Variants in MRPL48 observed in about 807,000 individuals in gnomAD.
The protein encoded by MRPL48 is large ribosomal subunit protein mL48.
A neutral mutation model predicts 32.9 loss-of-function variants in MRPL48; 16 were observed. The observed-to-expected ratio is 0.49, with a 90% CI of 0.33 to 0.74. The LOEUF is 0.74. Among genes scored for constraint, MRPL48 ranks in the 30% least tolerant of loss-of-function variants. The pLI is 0.02. For synonymous variants in MRPL48, 94 were observed against 89.2 expected, an observed-to-expected ratio of 1.05 and a Z score of -0.31; for missense variants, 206 against 245.3, an observed-to-expected ratio of 0.84 and a Z score of 1.07.
rs565800509 is a variant in MRPL48 at position 73,845,055 on chromosome 11, A to G, written c.371+79A>G. 2.2e-6 allele frequency: 3 copies of G among 1,394,078 alleles called. No homozygotes were observed. In the South Asian group the frequency reaches 4.2e-5, roughly 19 times the overall value. The allele number at this position is 1,394,078 out of a possible 1,614,324, so 86.4% of individuals were successfully genotyped here. A position where few individuals can be genotyped will look rare whatever the true frequency, so the allele number is the denominator to read the frequency against. Reference sequence around the variant, plus strand: ...TTTTTTGTTAAACTAGGCTTTTGAGATACAGTTTACATGTAGTAAAATTAA... The same window carrying G: ...TTTTTTGTTAAACTAGGCTTTTGAGGTACAGTTTACATGTAGTAAAATTAA... On this transcript the variant is annotated intron_variant, in intron 5 of 7. Transcript: ENST00000310614.
intron 3 of MRPL48, among the ~76,000 whole-genome samples, chr11:73,823,659 T>G (rs1360964968): frequency 6.7e-6 from 1 of 149,242 alleles, no homozygotes; most frequent in Non-Finnish European, 1.5e-5. Context: ...TTTCTGTTTT[T>G]TTTTTTTTTT....
At chr11:73,821,196 A>T (rs570637636) in intron 3 of MRPL48, among the ~76,000 whole-genome samples, 1 of 151,636 alleles carries the variant, frequency 6.6e-6, no homozygotes, top group Non-Finnish European at 1.5e-5. Context: ...GGTCTCTTCT[A>T]TGTTGCCCAG....
At chr11:73,864,032 G>C (rs563698363) in intron 7 of MRPL48, among the ~76,000 whole-genome samples, 1 of 152,190 alleles carries the variant, frequency 6.6e-6, no homozygotes, top group South Asian at 2.1e-4. Context: ...TATTGTGATA[G>C]TTATAGCATT....
intron 4 of MRPL48, among the ~76,000 whole-genome samples, chr11:73,835,867 T>A (rs981253105): frequency 2.6e-5 from 4 of 152,132 alleles, no homozygotes; most frequent in African/African-American, 9.6e-5. Flanking sequence ...CACTACACCC[T>A]AGCCTGAGTG....
At chr11:73,798,946 G>T (rs550289002) in intron 1 of MRPL48, among the ~76,000 whole-genome samples, 23 of 147,474 alleles carry the variant, frequency 1.6e-4, no homozygotes, top group Admixed American at 8.9e-4. Flanking sequence ...AGCTGAGATC[G>T]CACCATTGCA....
At chr11:73,834,084 A>G (rs1183588705) in intron 4 of MRPL48, among the ~76,000 whole-genome samples, 6 of 152,096 alleles carry the variant, frequency 3.9e-5, no homozygotes, top group African/African-American at 1.4e-4. Flanking sequence ...CCTGGACTCA[A>G]GTGATATGCC....
At chr11:73,850,918 C>T (rs1020243019) in intron 5 of MRPL48, 11 of 253,792 alleles carry the variant, frequency 4.3e-5, no homozygotes, top group East Asian at 2.2e-4. Flanking sequence ...CCTCGTGATC[C>T]GCCCTCCTTG....
chr11:73,845,041 A>G (rs1948265139), intron 5 of MRPL48, 65 bp downstream of exon 5: 8 of 1,494,818 alleles, frequency 5.4e-6, no homozygotes, highest in Non-Finnish European at 6.3e-6. Context: ...TTTTTGTTAA[A>G]CTAGGCTTTT....
chr11:73,858,497 A>G (rs1948524331), intron 5 of MRPL48, among the ~76,000 whole-genome samples: 1 of 152,180 alleles, frequency 6.6e-6, no homozygotes, highest in South Asian at 2.1e-4. Flanking sequence ...CATTACTTCT[A>G]AACTCCTGAT....
chr11:73,855,526 T>C (rs1013929837), intron 5 of MRPL48, among the ~76,000 whole-genome samples: 1 of 152,140 alleles, frequency 6.6e-6, no homozygotes, highest in Non-Finnish European at 1.5e-5. Context: ...CTCACTCCGT[T>C]GCCCAGGCTG....
At chr11:73,855,223 T>C (rs1948465287) in intron 5 of MRPL48, among the ~76,000 whole-genome samples, 1 of 151,958 alleles carries the variant, frequency 6.6e-6, no homozygotes, top group African/African-American at 2.4e-5. Flanking sequence ...ACAGCATTTA[T>C]GGTGATCTTT....
At position 73,864,477 on chromosome 11, in the gene MRPL48, G is replaced by A; in HGVS notation, c.*107G>A. 2 of 1,130,350 alleles carry A rather than the reference G, an allele frequency of 1.8e-6. No individual in the cohort carries two copies. Among genetic ancestry groups the A allele is most frequent in the Non-Finnish European group, 2.6e-6 (2 of 767,978 alleles). 70.0% of individuals were successfully genotyped at this position (1,130,350 alleles called of 1,614,324 possible). ...GAGACCCAACCCTTAGATTTCATAA[G>A]TACCCATTCCCATAGCCAGTAATGT... On this transcript the variant is annotated 3_prime_UTR_variant, in exon 8 of 8. Coordinates refer to ENST00000310614, the MANE Select transcript of MRPL48 (RefSeq NM_016055.6).
chr11:73,861,012 T>A (rs988622687), intron 6 of MRPL48, among the ~76,000 whole-genome samples: 2 of 152,226 alleles, frequency 1.3e-5, no homozygotes, highest in African/African-American at 4.8e-5. Context: ...TCAAGGTTCA[T>A]CTCTGTTGTA....
chr11:73,836,264 G>A (rs578187585), intron 4 of MRPL48, among the ~76,000 whole-genome samples: 3 of 152,064 alleles, frequency 2.0e-5, no homozygotes, highest in East Asian at 1.9e-4. Context: ...GACTACAGGC[G>A]CCTGGCTGCA....
intron 4 of MRPL48, among the ~76,000 whole-genome samples, chr11:73,828,523 G>T (rs1454285424): frequency 1.3e-5 from 2 of 152,102 alleles, no homozygotes; most frequent in Non-Finnish European, 2.9e-5. Flanking sequence ...ACCATGCCTG[G>T]CAAGCAAAAT....
intron 3 of MRPL48, among the ~76,000 whole-genome samples, chr11:73,810,671 TAC>T (rs988070279): frequency 2.6e-5 from 4 of 151,838 alleles, no homozygotes; most frequent in African/African-American, 9.7e-5. Flanking sequence ...ACCCATCACC[TAC>T]ATTAGGTATT....
intron 4 of MRPL48, among the ~76,000 whole-genome samples, chr11:73,839,228 G>A (rs1372927109): frequency 3.3e-5 from 5 of 152,168 alleles, no homozygotes; most frequent in Non-Finnish European, 7.4e-5. Flanking sequence ...GCTCTTGACA[G>A]GTTGACCTTC....
intron 3 of MRPL48, among the ~76,000 whole-genome samples, chr11:73,810,240 G>A (rs1274368887): frequency 6.6e-6 from 1 of 152,014 alleles, no homozygotes; most frequent in South Asian, 2.1e-4. Flanking sequence ...GGATATTTTC[G>A]GGCAGGTGCA....
chr11:73,846,664 C>CT (rs111867247), intron 5 of MRPL48, among the ~76,000 whole-genome samples: 20,686 of 144,046 alleles, frequency 0.14, 1,510 homozygotes, highest in African/African-American at 0.17. Flanking sequence ...CACCTCCTTT[C>CT]TTTTTTTTTT....
Sources: gnomAD v4.1 joint callset for allele counts (sites outside exome capture counted in the v4.1 genomes callset) on GRCh38, gnomAD v4.1.1 for gene constraint, MANE v1.5 for transcripts, NCBI Gene and HGNC (gene_info 2026-07-23, HGNC 2026-07-21) for gene names.